MCPH1: variants seen among roughly 807,000 people sequenced by gnomAD.
MCPH1 encodes the protein microcephalin 1.
A neutral mutation model predicts 84.5 loss-of-function variants in MCPH1; 104 were observed. That is an observed-to-expected ratio of 1.23 (90% CI 1.05 to 1.45). The LOEUF (loss-of-function observed/expected upper bound fraction) is 1.45, where lower values mean the gene tolerates loss of function less well. MCPH1 is among the 40% of genes most tolerant of loss of function. The pLI, the probability that MCPH1 is intolerant of heterozygous loss-of-function variation, is 0.00. For missense variants in MCPH1, 1,498 were observed against 1,005.7 expected, an observed-to-expected ratio of 1.49 and a Z score of -6.62; for synonymous variants, 514 against 366.8, an observed-to-expected ratio of 1.40 and a Z score of -4.58.
At chr8:6,583,021 T>C (rs1490512062) in intron 12 of MCPH1, among the ~76,000 whole-genome samples, 1 of 152,328 alleles carries the variant, frequency 6.6e-6, no homozygotes, top group East Asian at 1.9e-4. Flanking sequence ...GAGGTATTCA[T>C]CACATTGAAA....
At chr8:6,630,465 C>T (rs1353574806) in intron 13 of MCPH1, among the ~76,000 whole-genome samples, 3 of 152,040 alleles carry the variant, frequency 2.0e-5, no homozygotes, top group South Asian at 2.1e-4. Context: ...CAAGCTCAAG[C>T]GTTAAAAAAA....
chr8:6,509,071 G>T, intron 12 of MCPH1: 2 of 1,610,572 alleles, frequency 1.2e-6, no homozygotes. Flanking sequence ...TCCTGTAAGC[G>T]TGCAAAGAAA....
intron 12 of MCPH1, among the ~76,000 whole-genome samples, chr8:6,572,099 A>T (rs1204077447): frequency 6.6e-6 from 1 of 152,172 alleles, no homozygotes; most frequent in Non-Finnish European, 1.5e-5. Context: ...AGACCGACTG[A>T]TACAAAAGAG....
At position 6,428,389 on chromosome 8, in the gene MCPH1, G is replaced by A. The variant is rs1002048885; in HGVS notation, c.234-3110G>A. 3.3e-5 allele frequency among the ~76,000 whole-genome samples: 5 copies of A among 152,192 alleles called. No individual in the cohort carries two copies. In the East Asian group the frequency reaches 5.8e-4, roughly 18 times the overall value. Reference sequence around the variant, plus strand: ...ATCTTATGTGATCACTGTTGTGTATGTGGTCTGTCATTGACCAAAAGGTTG... The same window carrying A: ...ATCTTATGTGATCACTGTTGTGTATATGGTCTGTCATTGACCAAAAGGTTG... On this transcript the variant is annotated intron_variant, in intron 3 of 13. Transcript: ENST00000344683.
At chr8:6,454,537 C>T (rs1403765132) in intron 8 of MCPH1, among the ~76,000 whole-genome samples, 2 of 152,206 alleles carry the variant, frequency 1.3e-5, no homozygotes, top group African/African-American at 4.8e-5. Context: ...GTACACATTT[C>T]ACATTTCATC....
At chr8:6,518,255 GGCCAAGAACAC>G (rs1816673256) in intron 12 of MCPH1, among the ~76,000 whole-genome samples, 1 of 152,120 alleles carries the variant, frequency 6.6e-6, no homozygotes, top group African/African-American at 2.4e-5. Flanking sequence ...CCTGTCCCCA[GGCCAAGAACAC>G]GCCAACATCT....
intron 9 of MCPH1, among the ~76,000 whole-genome samples, chr8:6,460,148 C>T (rs138646450): frequency 5.3e-5 from 8 of 152,062 alleles, no homozygotes; most frequent in East Asian, 1.9e-4. Flanking sequence ...TGTTTTCTCA[C>T]GCCTCCATTG....
chr8:6,414,901 T>C lies in MCPH1; in HGVS notation c.233+18T>C, dbSNP rs546484581. ...GTGGAAAAGTAAGCAGTTTCTCTCT[T>C]ACTTTTTTTCCTTAAGTATCTAGTA... is the stretch of plus-strand genomic sequence containing the variant. On this transcript the variant is annotated intron_variant, in intron 3 of 13. Transcript: ENST00000344683. 1.9e-6 allele frequency: 3 copies of C among 1,612,170 alleles called. No individual in the cohort carries two copies. The highest frequency in any genetic ancestry group is 2.5e-6 in the Non-Finnish European group (3 of 1,178,932).
intron 12 of MCPH1, among the ~76,000 whole-genome samples, chr8:6,519,687 C>T (rs1456546686): frequency 6.6e-6 from 1 of 152,194 alleles, no homozygotes; most frequent in Middle Eastern, 3.2e-3. Flanking sequence ...TGCACAGCAG[C>T]GGCACTTAGA....
Position 6,644,630 on chromosome 8 carries a change from GGAGGCA to G in MCPH1, c.*1582_*1587del, listed in dbSNP as rs1798125597. On this transcript the variant is annotated 3_prime_UTR_variant, in exon 14 of 14. Coordinates refer to ENST00000344683, the MANE Select transcript of MCPH1 (RefSeq NM_024596.5). ...AATACCTAGGAACACGTATAACCAAGGAGGCAAAGGATCTCTACAAGGAGAACCATA... is the reference window on the plus strand; with the variant it reads ...AATACCTAGGAACACGTATAACCAAGAAGGATCTCTACAAGGAGAACCATA... The G allele has an allele frequency of 6.6e-6, 1 of 152,134 alleles. No homozygotes were observed. Among genetic ancestry groups the G allele is most frequent in the Non-Finnish European group, 1.5e-5 (1 of 68,036 alleles). 9.4% of individuals were successfully genotyped at this position (152,134 alleles called of 1,614,324 possible).
intron 12 of MCPH1, among the ~76,000 whole-genome samples, chr8:6,564,139 A>G (rs1329299085): frequency 1.3e-5 from 2 of 151,786 alleles, no homozygotes; most frequent in African/African-American, 4.8e-5. Context: ...ACGCCACCAC[A>G]CCCGGCTAAT....
In MCPH1 at chr8:6,539,514, A is replaced by T. The variant is rs1250011167; in HGVS notation, c.2214+39585A>T. On this transcript the variant is annotated intron_variant, in intron 12 of 13. Coordinates refer to ENST00000344683, the MANE Select transcript of MCPH1 (RefSeq NM_024596.5). ...CCTGACCACATGGACGCCTGCCCAC[A>T]TAGGGTCTTTTAAGCACTTCCTGAA... Among the ~76,000 whole-genome samples the T allele has an allele frequency of 2.0e-5, 3 of 152,130 alleles. No individual in the cohort carries two copies. In the East Asian group the frequency reaches 5.8e-4, roughly 29 times the overall value.
intron 12 of MCPH1, among the ~76,000 whole-genome samples, chr8:6,613,701 A>G (rs998884572): frequency 1.3e-5 from 2 of 152,004 alleles, no homozygotes; most frequent in Non-Finnish European, 2.9e-5. Flanking sequence ...AGTGATGGAG[A>G]TAGAGACAGA....
At chr8:6,433,173 T>G (rs1383598400) in intron 4 of MCPH1, among the ~76,000 whole-genome samples, 3 of 152,230 alleles carry the variant, frequency 2.0e-5, no homozygotes, top group African/African-American at 7.2e-5. Context: ...TGTGACTGTT[T>G]TTCCGGTATT....
At chr8:6,612,435 C>T (rs1298694542) in intron 12 of MCPH1, among the ~76,000 whole-genome samples, 1 of 152,200 alleles carries the variant, frequency 6.6e-6, no homozygotes, top group African/African-American at 2.4e-5. Flanking sequence ...AGTGCTGCTG[C>T]CTGTCTTTTG....
At chr8:6,453,751 T>C (rs1398587818) in intron 8 of MCPH1, among the ~76,000 whole-genome samples, 1 of 152,216 alleles carries the variant, frequency 6.6e-6, no homozygotes, top group African/African-American at 2.4e-5. Context: ...GCATTCATGT[T>C]CTACCCCGGG....
intron 12 of MCPH1, among the ~76,000 whole-genome samples, chr8:6,533,205 C>T (rs1563080082): frequency 2.0e-5 from 3 of 152,242 alleles, no homozygotes; most frequent in Non-Finnish European, 2.9e-5. Flanking sequence ...TTCTCTCCCT[C>T]AGTTACTAAA....
At chr8:6,431,368 A>C (rs1801807047) in intron 3 of MCPH1, 131 bp from the exon 4 acceptor site, 1 of 698,244 alleles carries the variant, frequency 1.4e-6, no homozygotes, top group Non-Finnish European at 2.5e-6. Context: ...AGTTGTATTT[A>C]TTTTTTAAAA....
intron 4 of MCPH1, among the ~76,000 whole-genome samples, 200 bp from the exon 5 acceptor site, chr8:6,435,848 T>C (rs889899891): frequency 9.9e-5 from 15 of 152,232 alleles, no homozygotes; most frequent in Admixed American, 4.6e-4. Context: ...TTTTATACAG[T>C]CTTTTAAATT....
Sources: gnomAD v4.1 joint callset for allele counts (sites outside exome capture counted in the v4.1 genomes callset) on GRCh38, gnomAD v4.1.1 for gene constraint, MANE v1.5 for transcripts, NCBI Gene and HGNC (gene_info 2026-07-23, HGNC 2026-07-21) for gene names.